Variants in SASH3 observed in about 807,000 individuals in gnomAD.
SASH3 encodes the protein SAM and SH3 domain-containing protein 3.
A neutral mutation model predicts 26.1 loss-of-function variants in SASH3; 7 were observed. That is an observed-to-expected ratio of 0.27 (90% confidence interval 0.15 to 0.50). The LOEUF (loss-of-function observed/expected upper bound fraction) is 0.50, where lower values mean the gene tolerates loss of function less well. Among genes scored for constraint, SASH3 ranks in the 20% least tolerant of loss-of-function variants. The pLI is 0.98. For missense variants in SASH3, 231 were observed against 318.3 expected, an observed-to-expected ratio of 0.73 and a Z score of 2.09; for synonymous variants, 138 against 136.8, an observed-to-expected ratio of 1.01 and a Z score of -0.06.
In SASH3 at chrX:129,792,330, A is replaced by G; in HGVS notation, c.445A>G (p.Ser149Gly). 8.3e-7 allele frequency: 1 copy of G among 1,204,068 alleles called. No individual in the cohort carries two copies. Among genetic ancestry groups the G allele is most frequent in the Non-Finnish European group, 1.1e-6 (1 of 891,319 alleles). ...CCTCCCTGCCCCATCTCCTGCAGGC[A>G]GTGAGCTCTGCAGCCCCAGCCCAGG... ...PVLSRQASTGSELCSPSPGSG... is the reference protein window; with the variant it reads ...PVLSRQASTGGELCSPSPGSG... The change falls in exon 5 of 8, where the codon AGT becomes GGT. Residue 149 changes from serine to glycine, a missense_variant and splice_region_variant. Physicochemically the swap from Ser to Gly is moderately conservative, Grantham distance 56. Transcript: ENST00000356892.
At chrX:129,782,031 A>G (rs1173024903) in intron 1 of SASH3, among the ~76,000 whole-genome samples, 1 of 112,407 alleles carries the variant, frequency 8.9e-6, no homozygotes, top group East Asian at 2.8e-4. Context: ...CAAAGGCAAG[A>G]GAGGCCTCTT....
In SASH3 at chrX:129,793,180, A is replaced by G. The variant is rs191523554; in HGVS notation, c.952+41A>G. The G allele has an allele frequency of 7.5e-6, 9 of 1,202,643 alleles. No homozygotes were observed. In the Admixed American group the frequency reaches 2.0e-4, roughly 26 times the overall value. On this transcript the variant is annotated intron_variant, in intron 7 of 7. Coordinates refer to ENST00000356892, the MANE Select transcript of SASH3 (RefSeq NM_018990.4). ...AGCGGCCTGGTGAGGGTGTGTGCCC[A>G]CCGGCATTCCAGGGAGGGGAGGCTT...
In SASH3 at chrX:129,787,972, C is replaced by T. The variant is rs1216976269; in HGVS notation, c.58-3C>T. The T allele has an allele frequency of 1.7e-6, 2 of 1,205,448 alleles. No homozygotes were observed. Among genetic ancestry groups the T allele is most frequent in the African/African-American group, 3.5e-5 (2 of 57,078 alleles). On this transcript the variant is annotated splice_region_variant and splice_polypyrimidine_tract_variant and intron_variant, in intron 1 of 7. Transcript: ENST00000356892. Reference sequence around the variant, plus strand: ...CTGATTGCAACACCCACCCTTTTTCCAGCTCTCCCTTCAGCGCTCCAGCAG... The same window carrying T: ...CTGATTGCAACACCCACCCTTTTTCTAGCTCTCCCTTCAGCGCTCCAGCAG...
Position 129,792,425 on chromosome X carries a change from C to A in SASH3, c.540C>A (p.Val180=), listed in dbSNP as rs767558356. Residue 180 remains valine, a synonymous_variant, in exon 5 of 8, where the codon GTC becomes GTA. Coordinates refer to ENST00000356892, the MANE Select transcript of SASH3 (RefSeq NM_018990.4). Reference sequence around the variant, plus strand: ...GGCCTTTCTGTGGCCGGGCACGAGTCCACACCGACTTCACTCCCAGCCCCT... The same window carrying A: ...GGCCTTTCTGTGGCCGGGCACGAGTACACACCGACTTCACTCCCAGCCCCT... ...YTGPFCGRAR[V]HTDFTPSPYD... is the part of the protein sequence containing the mutation. 42 of 1,210,162 alleles carry A rather than the reference C, an allele frequency of 3.5e-5. No individual in the cohort carries two copies. In the Admixed American group the frequency reaches 8.7e-4, roughly 25 times the overall value.
At chrX:129,786,191 G>A (rs932420113) in intron 1 of SASH3, among the ~76,000 whole-genome samples, 2 of 110,687 alleles carry the variant, frequency 1.8e-5, no homozygotes, top group Non-Finnish European at 3.8e-5. Context: ...GGCCCCAATC[G>A]TGCTAGCGTC....
chrX:129,789,109 AAAAGAAAGAAAGAAAGAAAGAAAG>A (rs770010971), intron 3 of SASH3, among the ~76,000 whole-genome samples: 77 of 39,468 alleles, frequency 2.0e-3, no homozygotes, highest in South Asian at 3.5e-3. Flanking sequence ...CTCAAAAAAA[AAAAGAAAGAAAGAAAGAAAGAAAG>A]AAAGAAAGAA....
chrX:129,789,495 G>T (rs1927192297), intron 3 of SASH3, among the ~76,000 whole-genome samples: 2 of 111,222 alleles, frequency 1.8e-5, no homozygotes, highest in East Asian at 5.6e-4. Context: ...AAATTAGCCA[G>T]GCGTGGTGGC....
chrX:129,793,236 C>A, intron 7 of SASH3, 97 bp downstream of exon 7: 2 of 943,742 alleles, frequency 2.1e-6, no homozygotes, highest in Non-Finnish European at 3.0e-6. Flanking sequence ...CCACGCTCTG[C>A]CCTAGGACTG....
intron 3 of SASH3, among the ~76,000 whole-genome samples, chrX:129,790,367 G>C (rs1181736248): frequency 9.1e-6 from 1 of 110,320 alleles, no homozygotes; most frequent in African/African-American, 3.3e-5. Context: ...CTGAGGTGTG[G>C]TGAGGTAGGG....
chrX:129,780,291 C>CG, intron 1 of SASH3, 137 bp downstream of exon 1: 2 of 515,502 alleles, frequency 3.9e-6, no homozygotes, highest in Non-Finnish European at 6.6e-6. Context: ...TAGAAGGCAA[C>CG]GGGACAGGGA....
At chrX:129,788,276 C>T in intron 2 of SASH3, 155 bp from the exon 3 acceptor site, 1 of 572,854 alleles carries the variant, frequency 1.7e-6, no homozygotes, top group Non-Finnish European at 2.8e-6. Flanking sequence ...ATTTATAGGG[C>T]TAAGGACATG....
In SASH3 at chrX:129,788,559, G is replaced by A. The variant is rs1430815796; in HGVS notation, c.282G>A (p.Lys94=). 59 of 1,210,353 alleles carry A rather than the reference G, an allele frequency of 4.9e-5. No homozygotes were observed. The highest frequency in any genetic ancestry group is 6.3e-5 in the Non-Finnish European group (56 of 895,201). The change falls in exon 3 of 8, where the codon AAG becomes AAA. Residue 94 remains lysine, a synonymous_variant. Coordinates refer to ENST00000356892, the MANE Select transcript of SASH3 (RefSeq NM_018990.4). The part of the protein sequence containing the change: ...MNRKMGKMMV[K]ALSEEMADTL... ...GGAAGATGGGCAAGATGATGGTGAA[G>A]GCCCTGTCAGAAGAGATGGTGAGGC...
chrX:129,780,749 G>A (rs1348590232), intron 1 of SASH3, among the ~76,000 whole-genome samples: 1 of 113,212 alleles, frequency 8.8e-6, no homozygotes, highest in African/African-American at 3.2e-5. Flanking sequence ...GGCCATTCCA[G>A]TCTTGGGGGA....
In SASH3 at chrX:129,787,280, T is replaced by C. The variant is rs556679993; in HGVS notation, c.58-695T>C. Reference sequence around the variant, plus strand: ...CACTATTGCCAGCTCATCACATTAGTGGCTAAGATTAAAAGCTGAGAAGAA... The same window carrying C: ...CACTATTGCCAGCTCATCACATTAGCGGCTAAGATTAAAAGCTGAGAAGAA... On this transcript the variant is annotated intron_variant, in intron 1 of 7. Coordinates refer to ENST00000356892, the MANE Select transcript of SASH3 (RefSeq NM_018990.4). Among the ~76,000 whole-genome samples, 26 of 112,746 alleles carry C rather than the reference T, an allele frequency of 2.3e-4. 1 individual carries two copies. The highest frequency in any genetic ancestry group is 7.1e-4 in the African/African-American group (22 of 31,095).
At chrX:129,787,179 T>G (rs140460155) in intron 1 of SASH3, among the ~76,000 whole-genome samples, 1,522 of 111,606 alleles carry the variant, frequency 0.014, 23 homozygotes, top group African/African-American at 0.046. Flanking sequence ...AAAGCTCATA[T>G]CCTGAAAAAC....
At position 129,794,868 on chromosome X, in the gene SASH3, CTTGACATTGGGGGTCCACCACTCCAACT is replaced by C. The variant is rs1187988875; in HGVS notation, c.*1040_*1067del. 1 of 111,539 alleles carries C rather than the reference CTTGACATTGGGGGTCCACCACTCCAACT, an allele frequency of 9.0e-6. No individual in the cohort carries two copies. The highest frequency in any genetic ancestry group is 1.9e-5 in the Non-Finnish European group (1 of 53,124). 9.2% of individuals were successfully genotyped at this position (111,539 alleles called of 1,213,427 possible). On this transcript the variant is annotated 3_prime_UTR_variant, in exon 8 of 8. Coordinates refer to ENST00000356892, the MANE Select transcript of SASH3 (RefSeq NM_018990.4). ...CCTCACAAGCAAAGAGAGCACTAAA[CTTGACATTGGGGGTCCACCACTCCAACT>C]TTGCTTTCTGAAGGTTTTGGTGTAC...
chrX:129,793,437 T>C (rs947798134), intron 7 of SASH3, among the ~76,000 whole-genome samples: 2 of 112,542 alleles, frequency 1.8e-5, no homozygotes, highest in African/African-American at 6.5e-5. Context: ...GCCCACTGCC[T>C]GGCTCCAGCT....
At chrX:129,783,145 C>T (rs1018448861) in intron 1 of SASH3, among the ~76,000 whole-genome samples, 3 of 111,566 alleles carry the variant, frequency 2.7e-5, no homozygotes. Flanking sequence ...AGGATACATG[C>T]CCTTGGCCTG....
At position 129,788,918 on chromosome X, in the gene SASH3, C is replaced by T. The variant is rs1034159809; in HGVS notation, c.300+341C>T. ...AGGAGTTTGAGACCAGCCTGGCCAA[C>T]ATGGCAAAACCCCATCTCTACTAAA... is the stretch of plus-strand genomic sequence containing the variant. On this transcript the variant is annotated intron_variant, in intron 3 of 7. Transcript: ENST00000356892. Among the ~76,000 whole-genome samples, 5 of 109,826 alleles carry T rather than the reference C, an allele frequency of 4.6e-5. No individual in the cohort carries two copies. The Admixed American group carries it at 4.9e-4, about 11-fold the overall frequency.
Sources: allele counts gnomAD v4.1 joint callset (sites outside exome capture counted in the v4.1 genomes callset), GRCh38; gene constraint gnomAD v4.1.1; transcripts MANE v1.5; gene names NCBI Gene and HGNC (gene_info 2026-07-23, HGNC 2026-07-21).